The following RSPH14 variants were observed in gnomAD, a reference collection of about 807,000 sequenced individuals.
RSPH14 encodes rhabdoid tumor deletion region gene 1.
A neutral mutation model predicts 26.7 loss-of-function variants in RSPH14; 20 were observed. The observed-to-expected ratio is 0.75, with a 90% CI of 0.53 to 1.09. The LOEUF (loss-of-function observed/expected upper bound fraction) is 1.09. Ranked by LOEUF, RSPH14 falls within the 50% of genes least tolerant of loss-of-function variation. The pLI is 0.00. For missense variants in RSPH14, 449 were observed against 457.2 expected (o/e 0.98, Z 0.16); for synonymous variants, 177 against 189.3 (o/e 0.93, Z 0.53).
intron 4 of RSPH14, among the ~76,000 whole-genome samples, chr22:23,130,496 A>AAGAAAGAAAAAG (rs67156030): frequency 4.5e-5 from 5 of 110,692 alleles, no homozygotes; most frequent in African/African-American, 1.8e-4. Flanking sequence ...GAAGGAAAGA[A>AAGAAAGAAAAAG]AAAGAAAGAA....
chr22:23,081,690 T>C (rs1406292956), intron 4 of RSPH14, among the ~76,000 whole-genome samples: 4 of 151,800 alleles, frequency 2.6e-5, no homozygotes, highest in African/African-American at 9.7e-5. Flanking sequence ...GCCATGGTGG[T>C]GGACACCTGT....
intron 5 of RSPH14, among the ~76,000 whole-genome samples, chr22:23,062,255 T>C (rs1335666880): frequency 1.3e-5 from 2 of 152,156 alleles, no homozygotes; most frequent in Non-Finnish European, 1.5e-5. Flanking sequence ...GACCCAGGGG[T>C]GTCAACCACA....
upstream of RSPH14, chr22:23,146,149 G>A: frequency 5.3e-6 from 2 of 378,518 alleles, no homozygotes; most frequent in Non-Finnish European, 7.3e-6. Context: ...CCTGCTGTAT[G>A]CAGATTGAGA....
At chr22:23,103,907 T>C (rs989613434) in intron 4 of RSPH14, among the ~76,000 whole-genome samples, 4 of 152,140 alleles carry the variant, frequency 2.6e-5, no homozygotes, top group African/African-American at 7.2e-5. Flanking sequence ...GGCCGCATGC[T>C]CTCTGTGACT....
intron 4 of RSPH14, among the ~76,000 whole-genome samples, chr22:23,115,546 G>A (rs929158377): frequency 6.6e-6 from 1 of 152,156 alleles, no homozygotes; most frequent in Non-Finnish European, 1.5e-5. Flanking sequence ...GGGGAGCGAG[G>A]AGGAGGCCCA....
chr22:23,061,967 G>C (rs2068106204), intron 5 of RSPH14, 22 bp from the exon 6 acceptor site: 1 of 1,613,436 alleles, frequency 6.2e-7, no homozygotes, highest in Admixed American at 1.7e-5. Context: ...AGGGAACAGA[G>C]AGGGGCTCTG....
intron 4 of RSPH14, among the ~76,000 whole-genome samples, chr22:23,107,472 G>T (rs939918582): frequency 1.3e-5 from 2 of 152,192 alleles, no homozygotes; most frequent in Non-Finnish European, 2.9e-5. Context: ...GCCTGAGAGT[G>T]TCTGAGGACA....
chr22:23,081,232 T>C (rs535859295), intron 4 of RSPH14, among the ~76,000 whole-genome samples: 7 of 152,130 alleles, frequency 4.6e-5, no homozygotes, highest in Non-Finnish European at 1.0e-4. Flanking sequence ...CTCACTTGTG[T>C]TGGAAAAAGT....
chr22:23,131,650 A>G (rs1458304186), intron 4 of RSPH14: 1 of 1,303,366 alleles, frequency 7.7e-7, no homozygotes, highest in Admixed American at 2.3e-5. Context: ...GAATGAGGGG[A>G]CTAGACCCTC....
At chr22:23,176,745 C>T in the RSPH14 span, among the ~76,000 whole-genome samples, 1 of 152,170 alleles carries the variant, frequency 6.6e-6, no homozygotes, top group Non-Finnish European at 1.5e-5. Context: ...TCCTCATAAA[C>T]AATTGCCACA....
the RSPH14 span, chr22:23,156,272 C>T: frequency 1.1e-5 from 5 of 453,362 alleles, no homozygotes; most frequent in South Asian, 7.0e-5. Flanking sequence ...CTTTAAGTCT[C>T]AGCCCCAGTT....
intron 4 of RSPH14, chr22:23,096,525 G>A (rs2069129094): frequency 1.7e-6 from 2 of 1,209,380 alleles, no homozygotes; most frequent in Non-Finnish European, 2.3e-6. Flanking sequence ...AAGGGAACCA[G>A]GCGCAGGCCT....
intron 4 of RSPH14, among the ~76,000 whole-genome samples, chr22:23,093,430 G>A (rs1265369453): frequency 6.6e-6 from 1 of 152,222 alleles, no homozygotes; most frequent in Non-Finnish European, 1.5e-5. Context: ...GGGGAACGAG[G>A]CCAGGACGGG....
Position 23,059,466 on chromosome 22 carries a change from G to C in RSPH14, c.1043C>G (p.Pro348Arg), listed in dbSNP as rs749304760. ...TCACAGAGGTGAATGAAGGGCTCAGGGTTTGAACTCGATGACACTGATGGC... is the reference window on the plus strand; with the variant it reads ...TCACAGAGGTGAATGAAGGGCTCAGCGTTTGAACTCGATGACACTGATGGC... Reference protein sequence around the residue: ...RIAISVIEFKP With the variant: ...RIAISVIEFKR The change falls in exon 7 of 7, where the codon CCC (proline) becomes CGC (arginine). Residue 348 changes from proline to arginine, a missense_variant. Coordinates refer to ENST00000216036, the MANE Select transcript of RSPH14 (RefSeq NM_014433.3). 2 of 1,605,524 alleles carry C rather than the reference G, an allele frequency of 1.2e-6. No individual in the cohort carries two copies. The highest frequency in any genetic ancestry group is 8.5e-7 in the Non-Finnish European group (1 of 1,174,344).
At chr22:23,125,794 G>C (rs543012867) in intron 4 of RSPH14, among the ~76,000 whole-genome samples, 2 of 152,318 alleles carry the variant, frequency 1.3e-5, no homozygotes, top group East Asian at 3.9e-4. Flanking sequence ...TCCTGCTGGA[G>C]TCCTTGCCTG....
intron 4 of RSPH14, among the ~76,000 whole-genome samples, chr22:23,117,201 A>G (rs2069867544): frequency 6.6e-6 from 1 of 151,710 alleles, no homozygotes; most frequent in African/African-American, 2.4e-5. Context: ...TGTGCCCCAC[A>G]AACAGAGGGA....
At chr22:23,105,246 C>T (rs1476531209) in intron 4 of RSPH14, among the ~76,000 whole-genome samples, 4 of 152,242 alleles carry the variant, frequency 2.6e-5, no homozygotes, top group Admixed American at 2.6e-4. Flanking sequence ...CCCAGAGCCT[C>T]GAAGGCAACT....
chr22:23,121,043 G>A (rs924344451), intron 4 of RSPH14, among the ~76,000 whole-genome samples: 2 of 152,196 alleles, frequency 1.3e-5, no homozygotes, highest in African/African-American at 4.8e-5. Context: ...TCCCTCAGCA[G>A]AATGTGACAT....
intron 4 of RSPH14, among the ~76,000 whole-genome samples, chr22:23,127,425 C>G (rs189114768): frequency 1.3e-5 from 2 of 152,326 alleles, no homozygotes; most frequent in Non-Finnish European, 2.9e-5. Flanking sequence ...TTCTGGTGCA[C>G]CCTGCCCTGA....
Sources: allele counts gnomAD v4.1 joint callset (sites outside exome capture counted in the v4.1 genomes callset), GRCh38; gene constraint gnomAD v4.1.1; transcripts MANE v1.5; gene names NCBI Gene and HGNC (gene_info 2026-07-23, HGNC 2026-07-21).